The following SYTL2 variants were observed in gnomAD, a reference collection of about 807,000 sequenced individuals.
The protein encoded by SYTL2 is synaptotagmin-like protein 2.
In SYTL2, 165 loss-of-function variants were observed where a neutral mutation model predicts 198.7. That is an observed-to-expected ratio of 0.83 (90% confidence interval 0.73 to 0.94). The LOEUF (loss-of-function observed/expected upper bound fraction) is 0.94, where lower values mean the gene tolerates loss of function less well. Among genes scored for constraint, SYTL2 ranks in the 40% least tolerant of loss-of-function variants. The pLI is 0.00. For missense variants in SYTL2, 2,835 were observed against 2,582.8 expected, an observed-to-expected ratio of 1.10 and a Z score of -2.12; for synonymous variants, 966 against 917.7, an observed-to-expected ratio of 1.05 and a Z score of -0.95.
At chr11:85,764,159 CATA>C (rs1159914474) in intron 1 of SYTL2, among the ~76,000 whole-genome samples, 1 of 152,236 alleles carries the variant, frequency 6.6e-6, no homozygotes, top group Middle Eastern at 3.2e-3. Flanking sequence ...CTCCCTTGCA[CATA>C]ATAGTTTACA....
chr11:85,790,298 G>A (rs926454359), intron 1 of SYTL2, among the ~76,000 whole-genome samples: 2 of 152,120 alleles, frequency 1.3e-5, no homozygotes, highest in African/African-American at 4.8e-5. Flanking sequence ...TTGACCTACA[G>A]AAATAGCAAT....
chr11:85,747,699 G>A (rs1430307728), intron 3 of SYTL2, among the ~76,000 whole-genome samples: 3 of 152,202 alleles, frequency 2.0e-5, no homozygotes, highest in Non-Finnish European at 4.4e-5. Flanking sequence ...GAGGGCTGGA[G>A]TAGGTAGCAA....
At position 85,696,280 on chromosome 11, in the gene SYTL2, A is replaced by T; in HGVS notation, c.6477T>A (p.Pro2159=). ...CTACACAGGCTTCCATCAGATCTTC[A>T]GGCCTGAACCCATCATACACCATAG... is the stretch of plus-strand genomic sequence containing the variant. ...NHTMVYDGFR[P]EDLMEACVEL... is the part of the protein sequence containing the mutation. The change falls in exon 19 of 20, where the codon CCT becomes CCA. Residue 2159 remains proline, a synonymous_variant. Transcript: ENST00000359152. 6.2e-7 allele frequency: 1 copy of T among 1,614,096 alleles called. No individual in the cohort carries two copies. The highest frequency in any genetic ancestry group is 8.5e-7 in the Non-Finnish European group (1 of 1,179,968).
chr11:85,822,703 G>A, the SYTL2 span, among the ~76,000 whole-genome samples: 4,504 of 152,266 alleles, frequency 0.03, 86 homozygotes, highest in Middle Eastern at 0.071. Flanking sequence ...AAGACAAGAA[G>A]GAATCCCAAG....
the SYTL2 span, among the ~76,000 whole-genome samples, chr11:85,835,359 C>T: frequency 1.3e-5 from 2 of 152,174 alleles, no homozygotes; most frequent in South Asian, 4.2e-4. Flanking sequence ...TTACTCCATC[C>T]TCTAGCCTCC....
the SYTL2 span, chr11:85,853,329 T>C: frequency 2.2e-6 from 1 of 446,260 alleles, no homozygotes; most frequent in South Asian, 1.6e-5. Context: ...AAGATTCTTC[T>C]GCCTTGGGAT....
At chr11:85,786,640 T>C (rs774275495) in intron 1 of SYTL2, among the ~76,000 whole-genome samples, 2 of 152,206 alleles carry the variant, frequency 1.3e-5, no homozygotes, top group Admixed American at 1.3e-4. Flanking sequence ...TGTATGTGTG[T>C]GCATGGCAGG....
chr11:85,780,912 G>A (rs937511632), intron 1 of SYTL2, among the ~76,000 whole-genome samples: 3 of 152,176 alleles, frequency 2.0e-5, no homozygotes, highest in Non-Finnish European at 4.4e-5. Context: ...CTTCAGTTAG[G>A]CAATGTCAGA....
At position 85,734,343 on chromosome 11, in the gene SYTL2, G is replaced by T. The variant is rs2090128522; in HGVS notation, c.986C>A (p.Pro329Gln). Residue 329 changes from proline to glutamine, a missense_variant, in exon 7 of 20, where the codon CCA becomes CAA. Around this residue, in one of 3 missense-constraint regions of SYTL2, gnomAD observed 2,645 missense variants for 2,381.7 expected, o/e 1.11. Coordinates refer to ENST00000359152, the MANE Select transcript of SYTL2 (RefSeq NM_206927.4). The stretch of plus-strand genomic sequence containing the variant: ...TGCAGAGAATCTCACATGCTTTAAT[G>T]GCTCCAGGGAGTTTGGGGAAGAGTT... ...EDNSSPNSLEPLKHVRFSAVK... is the reference protein window; with the variant it reads ...EDNSSPNSLEQLKHVRFSAVK... 1 of 1,614,100 alleles carries T rather than the reference G, an allele frequency of 6.2e-7. No individual in the cohort carries two copies. Among genetic ancestry groups the T allele is most frequent in the South Asian group, 1.1e-5 (1 of 91,092 alleles).
At chr11:85,713,515 G>A (rs1187976392) in intron 12 of SYTL2, among the ~76,000 whole-genome samples, 2 of 152,090 alleles carry the variant, frequency 1.3e-5, no homozygotes, top group African/African-American at 4.8e-5. Context: ...AGGGATATCT[G>A]GCTCCAAAGC....
chr11:85,779,014 T>C (rs985117556), intron 1 of SYTL2, among the ~76,000 whole-genome samples: 5 of 152,002 alleles, frequency 3.3e-5, no homozygotes, highest in Admixed American at 1.3e-4. Flanking sequence ...AAACAAAATA[T>C]AGAATCTATA....
In SYTL2 at chr11:85,711,223, T is replaced by C. The variant is rs1217227085; in HGVS notation, c.5635A>G (p.Arg1879Gly). ...PAFLQDESDD[R>G]ETDTASESSY... ...CTTTCTGATGCTGTATCTGTTTCTCTGTCATCACTCTACAAAACAGCATAT... is the reference window on the plus strand; with the variant it reads ...CTTTCTGATGCTGTATCTGTTTCTCCGTCATCACTCTACAAAACAGCATAT... Residue 1879 changes from arginine to glycine, a missense_variant, in exon 13 of 20, where the codon AGA becomes GGA. By Grantham distance (125) the Arg-to-Gly change is moderately radical. This residue lies in a region of SYTL2 where 2,645 missense variants were observed against 2,381.7 expected (regional missense o/e 1.11). Coordinates refer to ENST00000359152, the MANE Select transcript of SYTL2 (RefSeq NM_206927.4). 3 of 1,613,988 alleles carry C rather than the reference T, an allele frequency of 1.9e-6. No individual in the cohort carries two copies. The highest frequency in any genetic ancestry group is 2.2e-5 in the East Asian group (1 of 44,874).
intron 2 of SYTL2, among the ~76,000 whole-genome samples, chr11:85,749,065 G>GGAT (rs2091352200): frequency 6.6e-6 from 1 of 152,162 alleles, no homozygotes; most frequent in Non-Finnish European, 1.5e-5. Context: ...TTGAGGAGGA[G>GGAT]TGTGTACAGG....
chr11:85,739,443 T>C (rs1257873260), intron 4 of SYTL2, among the ~76,000 whole-genome samples: 1 of 151,466 alleles, frequency 6.6e-6, no homozygotes, highest in African/African-American at 2.4e-5. Flanking sequence ...TACCTTGTGG[T>C]TGGGATAGGG....
intron 12 of SYTL2, among the ~76,000 whole-genome samples, 194 bp from the exon 13 acceptor site, chr11:85,711,426 G>A (rs1315208444): frequency 6.6e-6 from 1 of 152,144 alleles, no homozygotes; most frequent in East Asian, 1.9e-4. Flanking sequence ...TAAGGAGGAA[G>A]GCAGTGCTTA....
At chr11:85,745,487 T>G (rs570311804) in intron 4 of SYTL2, 150 bp downstream of exon 4, 12 of 712,758 alleles carry the variant, frequency 1.7e-5, no homozygotes, top group African/African-American at 5.2e-5. Flanking sequence ...TTTATCTGCA[T>G]CGGGGCCCAG....
intron 7 of SYTL2, among the ~76,000 whole-genome samples, chr11:85,729,138 G>C (rs189042070): frequency 2.6e-5 from 4 of 152,136 alleles, no homozygotes; most frequent in Non-Finnish European, 5.9e-5. Context: ...CACAGTAATA[G>C]TGGGAGACTT....
At chr11:85,731,978 A>G (rs2153480606) in intron 7 of SYTL2, among the ~76,000 whole-genome samples, 1 of 152,398 alleles carries the variant, frequency 6.6e-6, no homozygotes, top group South Asian at 2.1e-4. Flanking sequence ...TATGCAGCCA[A>G]CAAACATGAT....
chr11:85,790,451 A>G (rs1285504713), intron 1 of SYTL2, among the ~76,000 whole-genome samples: 2 of 152,254 alleles, frequency 1.3e-5, no homozygotes, highest in Admixed American at 1.3e-4. Context: ...AATATAAAGC[A>G]TAACTATAAA....
Sources: allele counts gnomAD v4.1 joint callset (sites outside exome capture counted in the v4.1 genomes callset), GRCh38; gene constraint gnomAD v4.1.1; regional missense constraint gnomAD v4.1.1; transcripts MANE v1.5; gene names NCBI Gene and HGNC (gene_info 2026-07-23, HGNC 2026-07-21).